The following DYSF variants were observed in gnomAD, a reference collection of about 807,000 sequenced individuals.
DYSF encodes the protein dysferlin, also known as dystrophy-associated fer-1-like 1.
In DYSF, 212 loss-of-function variants were observed where a neutral mutation model predicts 274.9. The ratio of observed to expected loss-of-function variants is 0.77; its 90% CI spans 0.69 to 0.86. DYSF has a LOEUF of 0.86. Ranked by LOEUF, DYSF falls within the 40% of genes least tolerant of loss-of-function variation. The pLI, the probability that DYSF is intolerant of heterozygous loss-of-function variation, is 0.00. For synonymous variants in DYSF, 1,091 were observed against 1,078.7 expected (o/e 1.01, Z -0.22); for missense variants, 2,666 against 2,783.2 (o/e 0.96, Z 0.95).
exon 1 of DYSF, chr2:71,453,944 A>G: frequency 6.3e-7 from 1 of 1,589,350 alleles, no homozygotes; most frequent in Non-Finnish European, 8.6e-7. Context: ...GGCCCTCCCG[A>G]CCTTTCCGAG....
In DYSF at chr2:71,476,102, C is replaced by T. The variant is rs143921315; in HGVS notation, c.92-4781C>T. On this transcript the variant is annotated intron_variant, in intron 1 of 55. Transcript: ENST00000410020. ...AGTTCTTAAAGTGTTGTACATGGAA[C>T]TTGGGGGGATCCTCAAGACTCTTTG... Among the ~76,000 whole-genome samples the T allele has an allele frequency of 2.2e-3, 336 of 152,270 alleles. 1 individual carries two copies. The highest frequency in any genetic ancestry group is 7.6e-3 in the African/African-American group (316 of 41,556).
intron 10 of DYSF, 93 bp downstream of exon 10, chr2:71,517,132 GT>G: frequency 8.5e-7 from 1 of 1,182,142 alleles, no homozygotes; most frequent in Non-Finnish European, 1.3e-6. Flanking sequence ...CAGAGATCCT[GT>G]GTTTCTCTGC....
chr2:71,475,180 C>G (rs894624266), intron 1 of DYSF, among the ~76,000 whole-genome samples: 1 of 152,206 alleles, frequency 6.6e-6, no homozygotes, highest in Non-Finnish European at 1.5e-5. Context: ...ACCCTTCCCC[C>G]ACATGGCGCC....
chr2:71,677,788 C>T (rs1167632974), intron 52 of DYSF, among the ~76,000 whole-genome samples: 6 of 152,152 alleles, frequency 3.9e-5, no homozygotes, highest in Non-Finnish European at 8.8e-5. Flanking sequence ...TTGGCAGTTC[C>T]TTGAAAAGCT....
Position 71,612,790 on chromosome 2 carries a change from C to T in DYSF, c.4371C>T (p.Ser1457=), listed in dbSNP as rs886043896. 1 of 1,612,872 alleles carries T rather than the reference C, an allele frequency of 6.2e-7. No homozygotes were observed. The highest frequency in any genetic ancestry group is 8.5e-7 in the Non-Finnish European group (1 of 1,179,038). The part of the protein sequence containing the change: ...LCDPYSAESP[S]PQGGPDDVSL... ...ACCCCTACTCGGCGGAGAGTCCATCCCCACAGGGTGGCCCAGGTAGGGGAA... is the reference window on the plus strand; with the variant it reads ...ACCCCTACTCGGCGGAGAGTCCATCTCCACAGGGTGGCCCAGGTAGGGGAA... The change falls in exon 39 of 56, where the codon TCC becomes TCT. Residue 1457 remains serine, a synonymous_variant. Transcript: ENST00000410020.
chr2:71,552,937 C>A, intron 19 of DYSF, 74 bp from the exon 20 acceptor site: 2 of 1,526,386 alleles, frequency 1.3e-6, no homozygotes, highest in Non-Finnish European at 1.8e-6. Context: ...GCCTGCCAGA[C>A]GTATGTCCCC....
In DYSF at chr2:71,466,804, C is replaced by A; in HGVS notation, c.-39C>A. The A allele has an allele frequency of 6.7e-7, 1 of 1,491,652 alleles. No individual in the cohort carries two copies. The allele number at this position is 1,491,652 out of a possible 1,614,324, so 92.4% of individuals were successfully genotyped here. ...TCGGGCCCGGTGCTCCCGCTCCCGC[C>A]CTGACTGCGCGCCTGTGTGCCGCCG... On this transcript the variant is annotated 5_prime_UTR_variant, in exon 1 of 56. Transcript: ENST00000410020.
At chr2:71,610,007 G>T (rs11888860) in intron 36 of DYSF, among the ~76,000 whole-genome samples, 25,422 of 152,128 alleles carry the variant, frequency 0.17, 4,367 homozygotes, top group African/African-American at 0.44. Flanking sequence ...TAACATTTCC[G>T]GAGTGTCAGG....
intron 24 of DYSF, among the ~76,000 whole-genome samples, chr2:71,566,937 C>G (rs925662363): frequency 1.3e-5 from 2 of 152,180 alleles, no homozygotes; most frequent in South Asian, 2.1e-4. Flanking sequence ...GGATCCAGGC[C>G]TCCCTGACCA....
At chr2:71,631,029 G>A (rs1260124440) in intron 41 of DYSF, among the ~76,000 whole-genome samples, 2 of 152,232 alleles carry the variant, frequency 1.3e-5, no homozygotes, top group Non-Finnish European at 2.9e-5. Flanking sequence ...TCTAAGGGCA[G>A]CCCTATTTCC....
At chr2:71,498,540 C>G (rs1404883955) in intron 3 of DYSF, among the ~76,000 whole-genome samples, 1 of 152,200 alleles carries the variant, frequency 6.6e-6, no homozygotes, top group African/African-American at 2.4e-5. Context: ...TGACGTTATC[C>G]ATAGGAGCAA....
rs560062161 is a variant in DYSF at position 71,589,761 on chromosome 2, C to T, written c.3496+75C>T. 2.5e-4 allele frequency: 346 copies of T among 1,390,268 alleles called. 1 individual carries two copies. The highest frequency in any genetic ancestry group is 3.3e-4 in the Non-Finnish European group (327 of 977,056). The allele number at this position is 1,390,268 out of a possible 1,614,324, so 86.1% of individuals were successfully genotyped here. ...ATGCTTCTGTTTGGATGGAGTTATACGATCAGATGTGTATGTGGGGCTCTG... is the reference window on the plus strand; with the variant it reads ...ATGCTTCTGTTTGGATGGAGTTATATGATCAGATGTGTATGTGGGGCTCTG... On this transcript the variant is annotated intron_variant, in intron 31 of 55. Transcript: ENST00000410020.
chr2:71,683,987 C>T (rs2095327020), intron 55 of DYSF, among the ~76,000 whole-genome samples: 1 of 152,236 alleles, frequency 6.6e-6, no homozygotes, highest in South Asian at 2.1e-4. Flanking sequence ...TCCGGACCAG[C>T]TACCATCTGG....
intron 16 of DYSF, among the ~76,000 whole-genome samples, chr2:71,537,616 C>T (rs2089514200): frequency 6.6e-6 from 1 of 152,134 alleles, no homozygotes; most frequent in South Asian, 2.1e-4. Flanking sequence ...ATTCATTCTT[C>T]CTAATGTAGT....
In DYSF at chr2:71,492,834, G is replaced by A. The variant is rs373585584; in HGVS notation, c.240-10380G>A. On this transcript the variant is annotated intron_variant, in intron 3 of 55. Transcript: ENST00000410020. ...TCAGTGTATATTTCTTAAGAGTAGG[G>A]ACACAGTTATCAACTTCAGTAAATT... 4.0e-5 allele frequency among the ~76,000 whole-genome samples: 6 copies of A among 151,754 alleles called. No individual in the cohort carries two copies. The East Asian group carries it at 1.2e-3, about 29-fold the overall frequency.
At position 71,570,370 on chromosome 2, in the gene DYSF, C is replaced by T. The variant is rs778510545; in HGVS notation, c.3085+36C>T. The T allele has an allele frequency of 3.9e-5, 63 of 1,599,858 alleles. No individual in the cohort carries two copies. In the East Asian group the frequency reaches 4.0e-4, roughly 10 times the overall value. ...TGTGGAACCTGGCGAGCCCCATCCCCGGCAAGCTCTCAAGCCATGCTGGTG... is the reference window on the plus strand; with the variant it reads ...TGTGGAACCTGGCGAGCCCCATCCCTGGCAAGCTCTCAAGCCATGCTGGTG... On this transcript the variant is annotated intron_variant, in intron 28 of 55. Transcript: ENST00000410020.
At chr2:71,640,099 G>A (rs988425338) in intron 41 of DYSF, among the ~76,000 whole-genome samples, 1 of 152,300 alleles carries the variant, frequency 6.6e-6, no homozygotes, top group Non-Finnish European at 1.5e-5. Context: ...AGCGTGGCAG[G>A]ATTTGAACAC....
intron 29 of DYSF, among the ~76,000 whole-genome samples, chr2:71,571,689 G>A (rs1301779534): frequency 8.3e-6 from 1 of 120,008 alleles, no homozygotes; most frequent in African/African-American, 3.3e-5. Flanking sequence ...ATCACACCCA[G>A]CACATGCACA....
intron 41 of DYSF, among the ~76,000 whole-genome samples, chr2:71,636,272 G>C (rs533566850): frequency 6.6e-6 from 1 of 152,336 alleles, no homozygotes; most frequent in South Asian, 2.1e-4. Flanking sequence ...GTACATGGCT[G>C]TTGGGTTGAG....
Sources: allele counts gnomAD v4.1 joint callset (sites outside exome capture counted in the v4.1 genomes callset), GRCh38; gene constraint gnomAD v4.1.1; transcripts MANE v1.5; gene names NCBI Gene and HGNC (gene_info 2026-07-23, HGNC 2026-07-21).